Variants in KLF12 observed in about 807,000 individuals in gnomAD.
The protein encoded by KLF12 is Krueppel-like factor 12.
Under a neutral mutation model 37.8 loss-of-function variants are expected in KLF12, and 9 were observed. That is an observed-to-expected ratio of 0.24 (90% confidence interval 0.14 to 0.42). The LOEUF is 0.42. Ranked by LOEUF, KLF12 falls within the 10% of genes least tolerant of loss-of-function variation. KLF12 has a pLI of 1.00. For missense variants in KLF12, 411 were observed against 516.0 expected, an observed-to-expected ratio of 0.80 and a Z score of 1.97; for synonymous variants, 208 against 202.1, an observed-to-expected ratio of 1.03 and a Z score of -0.25.
chr13:74,301,391 G>A, the KLF12 span, among the ~76,000 whole-genome samples: 7 of 152,262 alleles, frequency 4.6e-5, no homozygotes, highest in African/African-American at 1.7e-4. Context: ...ACAGCATTTT[G>A]TTATTGTTTC....
chr13:73,731,094 A>G (rs1877023783), intron 6 of KLF12, among the ~76,000 whole-genome samples: 1 of 152,160 alleles, frequency 6.6e-6, no homozygotes, highest in Non-Finnish European at 1.5e-5. Context: ...AGTGTCTTTA[A>G]ATATGAATCA....
At chr13:74,275,390 C>G in the KLF12 span, among the ~76,000 whole-genome samples, 10 of 152,248 alleles carry the variant, frequency 6.6e-5, no homozygotes, top group South Asian at 4.1e-4. Context: ...CAGAACAATT[C>G]TATATTCCGT....
intron 1 of KLF12, among the ~76,000 whole-genome samples, chr13:74,070,129 T>A (rs977434627): frequency 6.6e-6 from 1 of 152,108 alleles, no homozygotes; most frequent in Non-Finnish European, 1.5e-5. Context: ...CTCTTTCAAA[T>A]GCCAAATTTA....
At chr13:74,171,332 A>G in the KLF12 span, among the ~76,000 whole-genome samples, 2 of 152,178 alleles carry the variant, frequency 1.3e-5, no homozygotes, top group African/African-American at 4.8e-5. Context: ...AGGAAACACA[A>G]AGGAAGGCTG....
the KLF12 span, among the ~76,000 whole-genome samples, chr13:74,178,943 C>CG: frequency 4.2e-3 from 645 of 152,252 alleles, 5 homozygotes; most frequent in African/African-American, 0.014. Context: ...TTTCTTTTTA[C>CG]CTTTTAAAAA....
chr13:73,763,947 A>T (rs1879734485), intron 6 of KLF12, among the ~76,000 whole-genome samples: 2 of 152,274 alleles, frequency 1.3e-5, no homozygotes, highest in Middle Eastern at 3.4e-3. Context: ...CTATTGTGAG[A>T]ATTAATTAGA....
At chr13:73,892,687 T>C (rs1295870004) in intron 3 of KLF12, among the ~76,000 whole-genome samples, 1 of 152,180 alleles carries the variant, frequency 6.6e-6, no homozygotes, top group Non-Finnish European at 1.5e-5. Context: ...GGCATAGAGT[T>C]ATGGATTGCT....
In KLF12 at chr13:73,750,654, G is replaced by A. The variant is rs562708640; in HGVS notation, c.869+14284C>T. Among the ~76,000 whole-genome samples the A allele has an allele frequency of 1.8e-4, 27 of 152,260 alleles. 1 individual carries two copies. The highest frequency in any genetic ancestry group is 9.2e-4 in the Admixed American group (14 of 15,288). On this transcript the variant is annotated intron_variant, in intron 6 of 7. Transcript: ENST00000377669. ...TTTTTCAATTTAATTTTAAGTTCTG[G>A]GGTACATGTGCAGGACATGCAGGTT...
chr13:73,994,904 A>G (rs1892066312), intron 2 of KLF12, 86 bp downstream of exon 2: 1 of 850,462 alleles, frequency 1.2e-6, no homozygotes, highest in African/African-American at 1.7e-5. Flanking sequence ...TCACACAAGA[A>G]GGTACTCTAA....
At chr13:74,180,309 A>G in the KLF12 span, among the ~76,000 whole-genome samples, 37 of 152,362 alleles carry the variant, frequency 2.4e-4, no homozygotes, top group African/African-American at 8.4e-4. Context: ...CAGTTAATCA[A>G]TTGAAATACT....
the KLF12 span, among the ~76,000 whole-genome samples, chr13:74,238,855 C>A: frequency 1.6e-4 from 24 of 152,024 alleles, no homozygotes; most frequent in Admixed American, 1.4e-3. Flanking sequence ...GTCTTGCTAG[C>A]GGTCTGTCAA....
rs1877328830 is a variant in KLF12 at position 74,116,780 on chromosome 13, AACT to A, written c.-32+16956_-32+16958del. 2.0e-5 allele frequency among the ~76,000 whole-genome samples: 3 copies of A among 152,230 alleles called. No homozygotes were observed. In the South Asian group the frequency reaches 6.2e-4, roughly 32 times the overall value. On this transcript the variant is annotated intron_variant, in intron 1 of 7. Transcript: ENST00000377669. ...ACATTATTAACTGAAGGGACCAATT[AACT>A]ATTAATATAGTACTATCTAGCAGAT... is the stretch of plus-strand genomic sequence containing the variant.
the KLF12 span, among the ~76,000 whole-genome samples, chr13:74,169,131 G>A: frequency 1.3e-5 from 2 of 152,072 alleles, no homozygotes; most frequent in African/African-American, 4.8e-5. Context: ...GACTAATTAT[G>A]GACGAAAGTA....
intron 6 of KLF12, among the ~76,000 whole-genome samples, chr13:73,749,492 A>C (rs1193976171): frequency 6.6e-6 from 1 of 152,198 alleles, no homozygotes; most frequent in Non-Finnish European, 1.5e-5. Context: ...AGATTTTTAA[A>C]AAAATAGCCA....
At chr13:74,119,620 T>G in intron 1 of KLF12, among the ~76,000 whole-genome samples, 1 of 152,194 alleles carries the variant, frequency 6.6e-6, no homozygotes, top group South Asian at 2.1e-4. Flanking sequence ...CAGGAAGAAT[T>G]AGGAAACTTG....
intron 4 of KLF12, among the ~76,000 whole-genome samples, chr13:73,825,922 G>T (rs945329034): frequency 4.0e-4 from 61 of 152,114 alleles, no homozygotes; most frequent in African/African-American, 1.4e-3. Flanking sequence ...CTTTCTACAT[G>T]CCTGCCACAT....
chr13:73,786,652 G>A (rs1454757971), intron 5 of KLF12, among the ~76,000 whole-genome samples: 5 of 151,838 alleles, frequency 3.3e-5, no homozygotes, highest in Non-Finnish European at 5.9e-5. Context: ...GGAGGCCGAG[G>A]TGGGAGGATT....
At chr13:73,829,685 T>G in intron 4 of KLF12, among the ~76,000 whole-genome samples, 1 of 118,774 alleles carries the variant, frequency 8.4e-6, no homozygotes, top group East Asian at 2.4e-4. Flanking sequence ...AAATTCTGAC[T>G]GCCTGAACAA....
At position 74,071,609 on chromosome 13, in the gene KLF12, C is replaced by T. The variant is rs185921256; in HGVS notation, c.-32+62130G>A. 1.7e-3 allele frequency among the ~76,000 whole-genome samples: 254 copies of T among 152,178 alleles called. 2 individuals carry two copies. The highest frequency in any genetic ancestry group is 4.6e-3 in the African/African-American group (190 of 41,512). ...TCGGGAGGCTGAGGCAGGAGAATGG[C>T]GTGAACTCGGGAGGCGGAGCTTGCA... On this transcript the variant is annotated intron_variant, in intron 1 of 7. Transcript: ENST00000377669.
Sources: allele counts gnomAD v4.1 joint callset (sites outside exome capture counted in the v4.1 genomes callset), GRCh38; gene constraint gnomAD v4.1.1; transcripts MANE v1.5; gene names NCBI Gene and HGNC (gene_info 2026-07-23, HGNC 2026-07-21).